AFG1L: variants seen among roughly 807,000 people sequenced by gnomAD.
The protein encoded by AFG1L is AFG1 like ATPase.
AFG1L carries 53 observed loss-of-function variants against 62.2 expected under a neutral mutation model. The ratio of observed to expected loss-of-function variants is 0.85; its 90% confidence interval spans 0.68 to 1.07. The LOEUF (loss-of-function observed/expected upper bound fraction) is 1.07, where lower values mean the gene tolerates loss of function less well. Ranked by LOEUF, AFG1L falls within the 50% of genes least tolerant of loss-of-function variation. The pLI is 0.00. For synonymous variants in AFG1L, 228 were observed against 210.3 expected (o/e 1.08, Z -0.73); for missense variants, 555 against 590.5 (o/e 0.94, Z 0.62).
At chr6:108,477,146 T>C in intron 9 of AFG1L, 46 bp from the exon 10 acceptor site, 3 of 1,266,390 alleles carry the variant, frequency 2.4e-6, no homozygotes, top group Non-Finnish European at 3.4e-6. Flanking sequence ...ATGAATTTTA[T>C]AGTAATTATC....
At chr6:108,355,058 T>G (rs1161592774) in intron 3 of AFG1L, among the ~76,000 whole-genome samples, 1 of 152,106 alleles carries the variant, frequency 6.6e-6, no homozygotes, top group Non-Finnish European at 1.5e-5. Context: ...TGATTCATGT[T>G]CAATATTTAT....
At chr6:108,486,807 C>A (rs1773591544) in intron 10 of AFG1L, among the ~76,000 whole-genome samples, 2 of 152,058 alleles carry the variant, frequency 1.3e-5, no homozygotes, top group Non-Finnish European at 2.9e-5. Flanking sequence ...CAGATTCAAG[C>A]AATTCCTGTG....
intron 6 of AFG1L, among the ~76,000 whole-genome samples, chr6:108,394,699 G>A (rs571340127): frequency 6.1e-4 from 93 of 152,208 alleles, no homozygotes; most frequent in African/African-American, 2.2e-3. Context: ...GTACAGATAT[G>A]GCACAATTTG....
At chr6:108,516,184 C>T (rs527301972) in intron 11 of AFG1L, among the ~76,000 whole-genome samples, 1 of 152,298 alleles carries the variant, frequency 6.6e-6, no homozygotes, top group African/African-American at 2.4e-5. Context: ...CAAAGACTGG[C>T]AGAGACACAA....
At chr6:108,462,501 A>G (rs991879934) in intron 8 of AFG1L, among the ~76,000 whole-genome samples, 1 of 152,168 alleles carries the variant, frequency 6.6e-6, no homozygotes, top group African/African-American at 2.4e-5. Flanking sequence ...TCTTGCATTA[A>G]CTCAAAAACT....
At chr6:108,482,515 T>C (rs1206899630) in intron 10 of AFG1L, among the ~76,000 whole-genome samples, 1 of 152,140 alleles carries the variant, frequency 6.6e-6, no homozygotes, top group Non-Finnish European at 1.5e-5. Context: ...TATTAATATA[T>C]TATTATTAAC....
intron 8 of AFG1L, among the ~76,000 whole-genome samples, chr6:108,457,706 A>C (rs1201155866): frequency 1.3e-5 from 2 of 152,134 alleles, no homozygotes; most frequent in African/African-American, 4.8e-5. Context: ...TCTGTTATAT[A>C]GATTGAAATT....
At chr6:108,349,358 C>A (rs930374270) in intron 3 of AFG1L, among the ~76,000 whole-genome samples, 1 of 151,864 alleles carries the variant, frequency 6.6e-6, no homozygotes, top group Non-Finnish European at 1.5e-5. Flanking sequence ...GTGGCATGTG[C>A]CTATAGTCCC....
chr6:108,363,396 G>T (rs1310555067), intron 5 of AFG1L, among the ~76,000 whole-genome samples: 2 of 152,008 alleles, frequency 1.3e-5, no homozygotes, highest in African/African-American at 4.8e-5. Flanking sequence ...TCAAGTAGGC[G>T]CATTTCAGTT....
intron 10 of AFG1L, among the ~76,000 whole-genome samples, chr6:108,509,985 T>G (rs1774579666): frequency 6.6e-6 from 1 of 152,218 alleles, no homozygotes; most frequent in Admixed American, 6.5e-5. Flanking sequence ...TCACTCGTTA[T>G]GCATGGATGT....
intron 5 of AFG1L, among the ~76,000 whole-genome samples, chr6:108,363,360 C>T (rs1463698882): frequency 6.6e-6 from 1 of 152,024 alleles, no homozygotes; most frequent in Non-Finnish European, 1.5e-5. Context: ...TTTTTCTGCT[C>T]TTCCCCCTCC....
At chr6:108,371,461 T>A (rs1328243230) in intron 6 of AFG1L, among the ~76,000 whole-genome samples, 2 of 151,998 alleles carry the variant, frequency 1.3e-5, no homozygotes, top group Non-Finnish European at 2.9e-5. Flanking sequence ...TACTGCTCAC[T>A]GCATCCTCGA....
At chr6:108,337,346 G>A (rs1295270685) in intron 2 of AFG1L, among the ~76,000 whole-genome samples, 2 of 152,114 alleles carry the variant, frequency 1.3e-5, no homozygotes, top group East Asian at 3.8e-4. Flanking sequence ...ATGTTGTATT[G>A]ACTTTTTAGT....
chr6:108,486,466 T>G (rs1582653056), intron 10 of AFG1L, among the ~76,000 whole-genome samples: 1 of 152,292 alleles, frequency 6.6e-6, no homozygotes, highest in East Asian at 1.9e-4. Flanking sequence ...GTTTAGAAAT[T>G]GTTAGAATAT....
At chr6:108,368,506 T>C (rs1779853909) in intron 6 of AFG1L, among the ~76,000 whole-genome samples, 2 of 152,196 alleles carry the variant, frequency 1.3e-5, no homozygotes, top group Admixed American at 1.3e-4. Context: ...ATGTACTTAT[T>C]AAAATCCATA....
intron 11 of AFG1L, among the ~76,000 whole-genome samples, chr6:108,511,115 AAGAAGT>A (rs1374108779): frequency 6.7e-6 from 1 of 150,292 alleles, no homozygotes; most frequent in Non-Finnish European, 1.5e-5. Flanking sequence ...GAAGAAGAAG[AAGAAGT>A]AGAAGGAGGA....
chr6:108,490,418 G>T (rs1773731331), intron 10 of AFG1L, among the ~76,000 whole-genome samples: 1 of 152,084 alleles, frequency 6.6e-6, no homozygotes, highest in Non-Finnish European at 1.5e-5. Context: ...ATATCTTAGG[G>T]TTTGGATGTT....
intron 10 of AFG1L, among the ~76,000 whole-genome samples, chr6:108,501,141 G>A (rs533796178): frequency 1.3e-5 from 2 of 152,144 alleles, no homozygotes; most frequent in South Asian, 4.2e-4. Context: ...TTACAGGCAC[G>A]CACCACCATG....
chr6:108,325,649 C>A (rs1778012546), intron 2 of AFG1L, among the ~76,000 whole-genome samples: 2 of 151,956 alleles, frequency 1.3e-5, no homozygotes, highest in Non-Finnish European at 2.9e-5. Flanking sequence ...CCACACCTAG[C>A]TAATTTTTGT....
Sources: gnomAD v4.1 joint callset for allele counts (sites outside exome capture counted in the v4.1 genomes callset) on GRCh38, gnomAD v4.1.1 for gene constraint, MANE v1.5 for transcripts, NCBI Gene and HGNC (gene_info 2026-07-23, HGNC 2026-07-21) for gene names.